TMEM87A: variants seen among roughly 807,000 people sequenced by gnomAD.
The protein encoded by TMEM87A is Golgi-pH regulating cation channel.
Under a neutral mutation model 90.0 loss-of-function variants are expected in TMEM87A, and 50 were observed. That is an observed-to-expected ratio of 0.56 (90% CI 0.44 to 0.70). The LOEUF (loss-of-function observed/expected upper bound fraction) is 0.70. Among genes scored for constraint, TMEM87A ranks in the 30% least tolerant of loss-of-function variants. The pLI, the probability that TMEM87A is intolerant of heterozygous loss-of-function variation, is 0.00. For synonymous variants in TMEM87A, 226 were observed against 226.7 expected (o/e 1.00, Z 0.03); for missense variants, 577 against 660.5 (o/e 0.87, Z 1.39).
At chr15:42,270,658 A>C (rs2051504424) in intron 2 of TMEM87A, among the ~76,000 whole-genome samples, 1 of 152,226 alleles carries the variant, frequency 6.6e-6, no homozygotes, top group Non-Finnish European at 1.5e-5. Context: ...CGAGAAAAAA[A>C]GACTGGACCT....
chr15:42,246,380 T>C (rs2050972707), intron 6 of TMEM87A, among the ~76,000 whole-genome samples: 1 of 152,200 alleles, frequency 6.6e-6, no homozygotes, highest in African/African-American at 2.4e-5. Context: ...TGTGCCATGT[T>C]GGTTTGTTGC....
chr15:42,217,672 T>C, intron 19 of TMEM87A, 131 bp downstream of exon 19: 1 of 782,752 alleles, frequency 1.3e-6, no homozygotes, highest in Non-Finnish European at 2.1e-6. Context: ...TTCTTATCCT[T>C]TTCAACTATA....
intron 6 of TMEM87A, among the ~76,000 whole-genome samples, chr15:42,252,871 C>A (rs1027997309): frequency 1.3e-5 from 2 of 152,160 alleles, no homozygotes; most frequent in African/African-American, 4.8e-5. Context: ...TAATTTTCCA[C>A]TGAAAACTGA....
intron 12 of TMEM87A, among the ~76,000 whole-genome samples, chr15:42,229,963 C>G (rs903307941): frequency 6.6e-6 from 1 of 152,142 alleles, no homozygotes; most frequent in Non-Finnish European, 1.5e-5. Flanking sequence ...GCAGCTGGGA[C>G]TACAGGTGCA....
intron 6 of TMEM87A, among the ~76,000 whole-genome samples, chr15:42,253,827 A>C (rs1192199144): frequency 6.6e-6 from 1 of 152,158 alleles, no homozygotes; most frequent in African/African-American, 2.4e-5. Flanking sequence ...GCTTTTGTGG[A>C]GGCATGGAGA....
At chr15:42,233,823 C>A (rs1195514319) in intron 10 of TMEM87A, among the ~76,000 whole-genome samples, 1 of 152,120 alleles carries the variant, frequency 6.6e-6, no homozygotes, top group African/African-American at 2.4e-5. Context: ...ATCGCCCACG[C>A]TGAAGTGCAG....
rs965004982 is a variant in TMEM87A, at chr15:42,233,245, A to C, written c.1030T>G (p.Ser344Ala). 1 of 1,613,972 alleles carries C rather than the reference A, an allele frequency of 6.2e-7. No homozygotes were observed. Among genetic ancestry groups the C allele is most frequent in the African/African-American group, 1.3e-5 (1 of 74,922 alleles). The change falls in exon 11 of 20, where the codon TCT (serine) becomes GCT (alanine). Residue 344 changes from serine to alanine, a missense_variant. Ser to Ala is a moderately conservative substitution (Grantham distance 99, BLOSUM62 1). Transcript: ENST00000389834. ...VVAGALYLLFSGMEGVLRVTG... is the reference protein window; with the variant it reads ...VVAGALYLLFAGMEGVLRVTG... ...ACTCTGAGGACCCCTTCCATGCCAGAGAACAAAAGATAGAGGGCTCCTGCT... is the reference window on the plus strand; with the variant it reads ...ACTCTGAGGACCCCTTCCATGCCAGCGAACAAAAGATAGAGGGCTCCTGCT...
chr15:42,265,705 A>G (rs1327336693), intron 3 of TMEM87A, among the ~76,000 whole-genome samples: 1 of 152,216 alleles, frequency 6.6e-6, no homozygotes, highest in Non-Finnish European at 1.5e-5. Flanking sequence ...AAACTTAATT[A>G]GATCCCATTT....
At chr15:42,238,744 ACT>A (rs1360494367) in intron 8 of TMEM87A, among the ~76,000 whole-genome samples, 19 of 84,470 alleles carry the variant, frequency 2.2e-4, no homozygotes, top group Admixed American at 1.1e-3. Context: ...ACAGAGTGAG[ACT>A]CTCTTTTTTT....
intron 11 of TMEM87A, chr15:42,231,963 G>T: frequency 9.2e-7 from 1 of 1,083,380 alleles, no homozygotes; most frequent in Non-Finnish European, 1.2e-6. Context: ...GAGGGTTAAA[G>T]TTGCTAGAAG....
chr15:42,232,383 T>C (rs948541629), intron 11 of TMEM87A, among the ~76,000 whole-genome samples: 17 of 152,250 alleles, frequency 1.1e-4, no homozygotes, highest in African/African-American at 4.1e-4. Context: ...CAGCCATAAA[T>C]TTCTTTATCA....
chr15:42,252,586 T>G (rs1244805836), intron 6 of TMEM87A, among the ~76,000 whole-genome samples: 3 of 152,162 alleles, frequency 2.0e-5, no homozygotes, highest in Non-Finnish European at 2.9e-5. Flanking sequence ...CTCCCTCTGA[T>G]GAATTCCTAT....
chr15:42,260,182 G>A (rs921141234), intron 6 of TMEM87A, among the ~76,000 whole-genome samples: 7 of 152,234 alleles, frequency 4.6e-5, no homozygotes, highest in Non-Finnish European at 8.8e-5. Flanking sequence ...ATACCAGCCT[G>A]GGCAACATGG....
At chr15:42,246,926 C>A (rs1450619179) in intron 6 of TMEM87A, among the ~76,000 whole-genome samples, 2 of 152,172 alleles carry the variant, frequency 1.3e-5, no homozygotes, top group Non-Finnish European at 2.9e-5. Context: ...TAAAAGTGTT[C>A]CTATTTCTCC....
chr15:42,217,433 T>C (rs1241633805), intron 19 of TMEM87A, among the ~76,000 whole-genome samples: 3 of 152,270 alleles, frequency 2.0e-5, no homozygotes, highest in African/African-American at 7.2e-5. Context: ...TGGTCTACTA[T>C]ATTCCTTTCT....
intron 13 of TMEM87A, 40 bp from the exon 14 acceptor site, chr15:42,227,809 G>C (rs775869465): frequency 1.9e-5 from 30 of 1,580,494 alleles, no homozygotes; most frequent in Non-Finnish European, 2.6e-5. Flanking sequence ...TATGAATGCT[G>C]GTTTACATCC....
rs758611054 is a variant in TMEM87A, at chr15:42,264,041, T to C, written c.405+49A>G. ...GTGGATACAGCCAAAAATATATACA[T>C]TCCAATTTTTGCCTATTCTATTTAT... On this transcript the variant is annotated intron_variant, in intron 4 of 19. Transcript: ENST00000389834. 7.5e-6 allele frequency: 11 copies of C among 1,458,138 alleles called. No homozygotes were observed. In the East Asian group the frequency reaches 2.0e-4, roughly 27 times the overall value. 90.3% of individuals were successfully genotyped at this position (1,458,138 alleles called of 1,614,324 possible).
Position 42,211,094 on chromosome 15 carries a change from A to G in TMEM87A, c.*614T>C, listed in dbSNP as rs533710119. 1 of 151,408 alleles carries G rather than the reference A, an allele frequency of 6.6e-6. No homozygotes were observed. The highest frequency in any genetic ancestry group is 2.4e-5 in the African/African-American group (1 of 41,182). The allele number at this position is 151,408 out of a possible 1,614,324, so 9.4% of individuals were successfully genotyped here. On this transcript the variant is annotated 3_prime_UTR_variant, in exon 20 of 20. Coordinates refer to ENST00000389834, the MANE Select transcript of TMEM87A (RefSeq NM_015497.5). Reference sequence around the variant, plus strand: ...CCATTTGTAAACAAAATTGCACTTGATTTTGCTTTTTTAAATGATCTGAAT... The same window carrying G: ...CCATTTGTAAACAAAATTGCACTTGGTTTTGCTTTTTTAAATGATCTGAAT...
intron 6 of TMEM87A, among the ~76,000 whole-genome samples, chr15:42,255,081 G>C (rs2051152228): frequency 6.6e-6 from 1 of 150,870 alleles, no homozygotes; most frequent in Admixed American, 6.6e-5. Flanking sequence ...CCTCACTTCA[G>C]CCTCCCCTGT....
Sources: allele counts gnomAD v4.1 joint callset (sites outside exome capture counted in the v4.1 genomes callset), GRCh38; gene constraint gnomAD v4.1.1; transcripts MANE v1.5; gene names NCBI Gene and HGNC (gene_info 2026-07-23, HGNC 2026-07-21).